The following NAPEPLD variants were observed in gnomAD, a reference collection of about 807,000 sequenced individuals.
NAPEPLD encodes N-acyl phosphatidylethanolamine phospholipase D.
NAPEPLD carries 23 observed loss-of-function variants against 38.1 expected under a neutral mutation model. The ratio of observed to expected loss-of-function variants is 0.60; its 90% confidence interval spans 0.43 to 0.86. The LOEUF is 0.86. NAPEPLD is among the 40% of genes least tolerant of loss of function. NAPEPLD has a pLI of 0.00. For synonymous variants in NAPEPLD, 147 were observed against 162.0 expected, an observed-to-expected ratio of 0.91 and a Z score of 0.71; for missense variants, 411 against 476.8, an observed-to-expected ratio of 0.86 and a Z score of 1.28.
intron 1 of NAPEPLD, among the ~76,000 whole-genome samples, chr7:103,137,810 T>C (rs1810367799): frequency 1.9e-5 from 1 of 52,608 alleles, no homozygotes; most frequent in Non-Finnish European, 4.2e-5. Context: ...AGCAAGATGC[T>C]GTCTCAAAAA....
Position 103,142,512 on chromosome 7 carries a change from G to T in NAPEPLD, c.-17+6299C>A, listed in dbSNP as rs541319147. Among the ~76,000 whole-genome samples, 11 of 152,128 alleles carry T rather than the reference G, an allele frequency of 7.2e-5. No individual in the cohort carries two copies. The South Asian group carries it at 2.3e-3, about 32-fold the overall frequency. ...TCCCAGCTACTTGGGAGGCTGAAGT[G>T]GGAGAATCACTTGAACCAGGGAGGC... On this transcript the variant is annotated intron_variant, in intron 1 of 4. Coordinates refer to ENST00000465647, the MANE Select transcript of NAPEPLD (RefSeq NM_001122838.3).
chr7:103,129,116 T>C (rs1413469533), intron 1 of NAPEPLD, among the ~76,000 whole-genome samples: 1 of 152,008 alleles, frequency 6.6e-6, no homozygotes, highest in Non-Finnish European at 1.5e-5. Flanking sequence ...AAATACAAAA[T>C]TAGCCAGGCA....
chr7:103,149,582 C>A, upstream of NAPEPLD: 7 of 963,086 alleles, frequency 7.3e-6, no homozygotes, highest in South Asian at 1.1e-4. Context: ...CCAGCCCTTA[C>A]CAAGATGGCC....
At position 103,120,165 on chromosome 7, in the gene NAPEPLD, G is replaced by C; in HGVS notation, c.353C>G (p.Ala118Gly). The change falls in exon 3 of 5, where the codon GCT becomes GGT. Residue 118 changes from alanine to glycine, a missense_variant. By Grantham distance (60) the Ala-to-Gly change is moderately conservative. Transcript: ENST00000465647. ...TCTTAAGCCAGCTTCCCTCACTCCA[G>C]CTTCTTCAGGGTTAGTGATAAAATA... Reference protein sequence around the residue: ...KPYFITNPEEAGVREAGLRVT... With the variant: ...KPYFITNPEEGGVREAGLRVT... 6.2e-7 allele frequency: 1 copy of C among 1,614,134 alleles called. No homozygotes were observed. Among genetic ancestry groups the C allele is most frequent in the Non-Finnish European group, 8.5e-7 (1 of 1,180,030 alleles).
chr7:103,119,143 A>C (rs368369069), intron 3 of NAPEPLD, among the ~76,000 whole-genome samples: 34 of 152,180 alleles, frequency 2.2e-4, no homozygotes, highest in African/African-American at 7.0e-4. Flanking sequence ...TGGTATGTGA[A>C]CTTCTGGCTA....
intron 1 of NAPEPLD, among the ~76,000 whole-genome samples, chr7:103,144,964 T>C (rs1216066036): frequency 1.3e-5 from 2 of 151,996 alleles, no homozygotes; most frequent in Non-Finnish European, 2.9e-5. Flanking sequence ...TAGGCTGAGA[T>C]TGAGCCACTG....
intron 2 of NAPEPLD, among the ~76,000 whole-genome samples, chr7:103,126,027 G>A (rs1260618432): frequency 6.6e-6 from 1 of 151,924 alleles, no homozygotes; most frequent in Non-Finnish European, 1.5e-5. Flanking sequence ...AATCTTCTCT[G>A]CCATGAAACT....
At chr7:103,115,759 G>C (rs1416448295) in intron 3 of NAPEPLD, among the ~76,000 whole-genome samples, 2 of 152,204 alleles carry the variant, frequency 1.3e-5, no homozygotes, top group Admixed American at 6.5e-5. Context: ...AGTGCACTCA[G>C]AGTTGGCAAC....
rs1290654979 is a variant in NAPEPLD, at chr7:103,101,277, T to C, written c.*2152A>G. The C allele has an allele frequency of 6.6e-6, 1 of 152,076 alleles. No homozygotes were observed. Among genetic ancestry groups the C allele is most frequent in the Non-Finnish European group, 1.5e-5 (1 of 68,014 alleles). 9.4% of individuals were successfully genotyped at this position (152,076 alleles called of 1,614,324 possible). A position where few individuals can be genotyped will look rare whatever the true frequency, so the allele number is the denominator to read the frequency against. On this transcript the variant is annotated 3_prime_UTR_variant, in exon 5 of 5. Transcript: ENST00000465647. Reference sequence around the variant, plus strand: ...TCAGGAAGGTTTATTTTATGGGGGATTTTTTTGTGCTTTAGTACCCCAAAA... The same window carrying C: ...TCAGGAAGGTTTATTTTATGGGGGACTTTTTTGTGCTTTAGTACCCCAAAA...
Position 103,134,693 on chromosome 7 carries a change from A to G in NAPEPLD, c.-16-5901T>C, listed in dbSNP as rs1809677237. ...AAACAAATGTTCTTTTTTAAAGAACAATGTATTACAAAAAGGACAACATAA... is the reference window on the plus strand; with the variant it reads ...AAACAAATGTTCTTTTTTAAAGAACGATGTATTACAAAAAGGACAACATAA... On this transcript the variant is annotated intron_variant, in intron 1 of 4. Coordinates refer to ENST00000465647, the MANE Select transcript of NAPEPLD (RefSeq NM_001122838.3). Among the ~76,000 whole-genome samples the G allele has an allele frequency of 2.6e-5, 4 of 152,246 alleles. No individual in the cohort carries two copies. The South Asian group carries it at 8.3e-4, about 31-fold the overall frequency.
At chr7:103,146,115 G>A (rs1174134721) in intron 1 of NAPEPLD, among the ~76,000 whole-genome samples, 3 of 152,054 alleles carry the variant, frequency 2.0e-5, no homozygotes, top group African/African-American at 7.2e-5. Flanking sequence ...GTAATTGAAG[G>A]ACCTTCAAAA....
At position 103,101,999 on chromosome 7, in the gene NAPEPLD, T is replaced by TCCCCCCCCCCCCCCCCCCCC. The variant is rs76739012; in HGVS notation, c.*1429_*1430insGGGGGGGGGGGGGGGGGGGG. 4 of 124,672 alleles carry TCCCCCCCCCCCCCCCCCCCC rather than the reference T, an allele frequency of 3.2e-5. No individual in the cohort carries two copies. The highest frequency in any genetic ancestry group is 9.4e-5 in the Admixed American group (1 of 10,660). 7.7% of individuals were successfully genotyped at this position (124,672 alleles called of 1,614,324 possible). On this transcript the variant is annotated 3_prime_UTR_variant, in exon 5 of 5. Transcript: ENST00000465647. ...AGGACTAAATCTTATGTCAACTGAC[T>TCCCCCCCCCCCCCCCCCCCC]CCCCCCCCGCCCCCCAACCACTGGC... is the stretch of plus-strand genomic sequence containing the variant.
chr7:103,145,475 AGTATTTCAT>A (rs1812344891), intron 1 of NAPEPLD, among the ~76,000 whole-genome samples: 1 of 152,254 alleles, frequency 6.6e-6, no homozygotes, highest in Admixed American at 6.5e-5. Context: ...AGAATTGTAA[AGTATTTCAT>A]ATCTGTGAAA....
chr7:103,119,773 TA>T lies in NAPEPLD; in HGVS notation c.744del (p.Phe248LeufsTer12). The T allele has an allele frequency of 6.2e-7, 1 of 1,614,100 alleles. No individual in the cohort carries two copies. Among genetic ancestry groups the T allele is most frequent in the Non-Finnish European group, 8.5e-7 (1 of 1,180,016 alleles). ...VPGHDKVTFV[F>X]TPSQHWCKRT... ...CTTTTACACCAGTGCTGGGAAGGTG[TA>T]AAGACAAAAGTGACCTTATCATGTC... On this transcript the variant is annotated frameshift_variant, in exon 3 of 5. Coordinates refer to ENST00000465647, the MANE Select transcript of NAPEPLD (RefSeq NM_001122838.3). LOFTEE classifies it high-confidence loss of function.
chr7:103,111,191 A>G (rs1804459651), intron 4 of NAPEPLD, among the ~76,000 whole-genome samples: 1 of 152,218 alleles, frequency 6.6e-6, no homozygotes, highest in South Asian at 2.1e-4. Flanking sequence ...TGCCCAAAGT[A>G]ATTTATAGAG....
chr7:103,111,421 A>G (rs1458760793), intron 4 of NAPEPLD, among the ~76,000 whole-genome samples: 1 of 152,240 alleles, frequency 6.6e-6, no homozygotes, highest in African/African-American at 2.4e-5. Flanking sequence ...TATATAGACC[A>G]ATGGAACAGA....
At chr7:103,139,185 A>G (rs1157051607) in intron 1 of NAPEPLD, among the ~76,000 whole-genome samples, 3 of 152,226 alleles carry the variant, frequency 2.0e-5, no homozygotes, top group African/African-American at 7.2e-5. Context: ...AAGATTCCAG[A>G]TATTACCTGT....
In NAPEPLD at chr7:103,103,341, C is replaced by A; in HGVS notation, c.*88G>T. 1 of 1,383,948 alleles carries A rather than the reference C, an allele frequency of 7.2e-7. No individual in the cohort carries two copies. Among genetic ancestry groups the A allele is most frequent in the Non-Finnish European group, 9.7e-7 (1 of 1,031,874 alleles). 85.7% of individuals were successfully genotyped at this position (1,383,948 alleles called of 1,614,324 possible). On this transcript the variant is annotated 3_prime_UTR_variant, in exon 5 of 5. Transcript: ENST00000465647. The stretch of plus-strand genomic sequence containing the variant: ...AAGTTGTTTCCAAATGTAAAATAAT[C>A]ACAATATTCATGAATTTCTAAGTCT...
At chr7:103,149,384 C>G, upstream of NAPEPLD, 9 of 1,170,048 alleles carry the variant, frequency 7.7e-6, no homozygotes, top group Non-Finnish European at 9.6e-6. Context: ...GCGACCGCGG[C>G]AGGCGCTCGG....
Sources: allele counts gnomAD v4.1 joint callset (sites outside exome capture counted in the v4.1 genomes callset), GRCh38; gene constraint gnomAD v4.1.1; transcripts MANE v1.5; gene names NCBI Gene and HGNC (gene_info 2026-07-23, HGNC 2026-07-21).